The following FBXO25 variants were observed in gnomAD, a reference collection of about 807,000 sequenced individuals.
FBXO25 encodes the protein F-box protein 25.
Under a neutral mutation model 51.9 loss-of-function variants are expected in FBXO25, and 45 were observed. The ratio of observed to expected loss-of-function variants is 0.87; its 90% CI spans 0.68 to 1.11. The LOEUF (loss-of-function observed/expected upper bound fraction) is 1.11. FBXO25 is among the 50% of genes most tolerant of loss of function. FBXO25 has a pLI of 0.00. For missense variants in FBXO25, 507 were observed against 428.5 expected, an observed-to-expected ratio of 1.18 and a Z score of -1.62; for synonymous variants, 199 against 151.0, an observed-to-expected ratio of 1.32 and a Z score of -2.33.
At chr8:457,402 A>C (rs1351348241) in intron 7 of FBXO25, among the ~76,000 whole-genome samples, 1 of 152,230 alleles carries the variant, frequency 6.6e-6, no homozygotes, top group Non-Finnish European at 1.5e-5. Flanking sequence ...CTTGGGGCCA[A>C]GGACAGCCAC....
chr8:475,167 G>C lies in FBXO25; in HGVS notation c.*6363G>C, dbSNP rs1015959429. On this transcript the variant is annotated 3_prime_UTR_variant, in exon 10 of 10. Transcript: ENST00000350302. ...GAGGTAGATCTAGCTTCATGTGGAT[G>C]TCCACTTGTCTAGCACCATTTGTTG... 2 of 346,350 alleles carry C rather than the reference G, an allele frequency of 5.8e-6. No homozygotes were observed. The highest frequency in any genetic ancestry group is 4.3e-5 in the African/African-American group (2 of 46,246). The allele number at this position is 346,350 out of a possible 1,614,324, so 21.5% of individuals were successfully genotyped here.
At chr8:445,535 A>T (rs945382968) in intron 5 of FBXO25, among the ~76,000 whole-genome samples, 10 of 152,246 alleles carry the variant, frequency 6.6e-5, no homozygotes, top group African/African-American at 2.2e-4. Context: ...AAACACTTTT[A>T]AAAATATTTC....
rs949394274 is a variant in FBXO25, at chr8:474,929, C to A, written c.*6125C>A. 1 of 446,096 alleles carries A rather than the reference C, an allele frequency of 2.2e-6. No homozygotes were observed. Among genetic ancestry groups the A allele is most frequent in the Non-Finnish European group, 4.4e-6 (1 of 225,074 alleles). The allele number at this position is 446,096 out of a possible 1,614,324, so 27.6% of individuals were successfully genotyped here. On this transcript the variant is annotated 3_prime_UTR_variant, in exon 10 of 10. Transcript: ENST00000350302. ...ATATATCATTTTAAAATACTTTGTCCCATTCCGTGGATTGCCTTTCACTCT... is the reference window on the plus strand; with the variant it reads ...ATATATCATTTTAAAATACTTTGTCACATTCCGTGGATTGCCTTTCACTCT...
In FBXO25 at chr8:473,476, G is replaced by C. The variant is rs890801750; in HGVS notation, c.*4672G>C. The C allele has an allele frequency of 2.6e-5, 4 of 152,258 alleles. No homozygotes were observed. The highest frequency in any genetic ancestry group is 7.2e-5 in the African/African-American group (3 of 41,454). 9.4% of individuals were successfully genotyped at this position (152,258 alleles called of 1,614,324 possible). A position where few individuals can be genotyped will look rare whatever the true frequency, so the allele number is the denominator to read the frequency against. On this transcript the variant is annotated 3_prime_UTR_variant, in exon 10 of 10. Transcript: ENST00000350302. ...CCCCAGGGCACCTGCCCCAATACAG[G>C]CCACGTGGATCTGCCATTGCTTTTC...
chr8:454,264 G>A (rs562329339), intron 7 of FBXO25, among the ~76,000 whole-genome samples: 2 of 152,348 alleles, frequency 1.3e-5, no homozygotes, highest in African/African-American at 4.8e-5. Flanking sequence ...ATACTTTGCT[G>A]TTTAAGCTGC....
At chr8:439,028 G>T (rs141252219) in intron 5 of FBXO25, among the ~76,000 whole-genome samples, 1 of 152,208 alleles carries the variant, frequency 6.6e-6, no homozygotes. Flanking sequence ...CCCAACTGCA[G>T]TGAGGAGCTG....
intron 1 of FBXO25, among the ~76,000 whole-genome samples, chr8:412,326 A>C (rs12544169): frequency 0.36 from 54,885 of 151,858 alleles, 10,955 homozygotes; most frequent in African/African-American, 0.54. Flanking sequence ...ACGTTTCCAG[A>C]CAGTCTTCAA....
intron 7 of FBXO25, 48 bp downstream of exon 7, chr8:451,501 C>G (rs781391271): frequency 1.3e-6 from 2 of 1,529,212 alleles, no homozygotes; most frequent in Non-Finnish European, 8.9e-7. Context: ...TTTTATATTA[C>G]AGAAGTTATC....
Position 472,099 on chromosome 8 carries a change from A to G in FBXO25, c.*3295A>G, listed in dbSNP as rs1800503505. The G allele has an allele frequency of 6.6e-6, 1 of 152,180 alleles. No homozygotes were observed. Among genetic ancestry groups the G allele is most frequent in the East Asian group, 1.9e-4 (1 of 5,184 alleles). The allele number at this position is 152,180 out of a possible 1,614,324, so 9.4% of individuals were successfully genotyped here. A position where few individuals can be genotyped will look rare whatever the true frequency, so the allele number is the denominator to read the frequency against. On this transcript the variant is annotated 3_prime_UTR_variant, in exon 10 of 10. Transcript: ENST00000350302. ...CGTTTCGCTGGCTAGAATCTCTAGT[A>G]CAATGTTGAATAGCAGTGCGAGAGT...
At chr8:427,517 A>C (rs1329217878) in intron 2 of FBXO25, among the ~76,000 whole-genome samples, 1 of 151,428 alleles carries the variant, frequency 6.6e-6, no homozygotes, top group Non-Finnish European at 1.5e-5. Flanking sequence ...AAAGATAGAT[A>C]CTTTTATTCA....
intron 8 of FBXO25, among the ~76,000 whole-genome samples, chr8:461,633 C>T (rs965974498): frequency 2.6e-5 from 4 of 152,052 alleles, no homozygotes; most frequent in African/African-American, 9.7e-5. Flanking sequence ...AGCATCACCT[C>T]AGGAAAAACA....
chr8:448,490 T>G (rs1202052885), intron 5 of FBXO25, among the ~76,000 whole-genome samples: 3 of 152,236 alleles, frequency 2.0e-5, no homozygotes, highest in Non-Finnish European at 4.4e-5. Context: ...ATGAATTTTA[T>G]GTCCAGTCAA....
rs187425845 is a variant in FBXO25 at position 471,023 on chromosome 8, A to G, written c.*2219A>G. The G allele has an allele frequency of 3.3e-5, 5 of 152,332 alleles. No homozygotes were observed. The East Asian group carries it at 9.7e-4, about 29-fold the overall frequency. 9.4% of individuals were successfully genotyped at this position (152,332 alleles called of 1,614,324 possible). On this transcript the variant is annotated 3_prime_UTR_variant, in exon 10 of 10. Transcript: ENST00000350302. ...TCATTTAATTGTTAGATGTTATAACAGTTCTCAGCTGTGCTATCAAATCAC... is the reference window on the plus strand; with the variant it reads ...TCATTTAATTGTTAGATGTTATAACGGTTCTCAGCTGTGCTATCAAATCAC...
In FBXO25 at chr8:471,990, T is replaced by C. The variant is rs1273745573; in HGVS notation, c.*3186T>C. 1 of 152,284 alleles carries C rather than the reference T, an allele frequency of 6.6e-6. No individual in the cohort carries two copies. The highest frequency in any genetic ancestry group is 1.5e-5 in the Non-Finnish European group (1 of 68,050). The allele number at this position is 152,284 out of a possible 1,614,324, so 9.4% of individuals were successfully genotyped here. A position where few individuals can be genotyped will look rare whatever the true frequency, so the allele number is the denominator to read the frequency against. On this transcript the variant is annotated 3_prime_UTR_variant, in exon 10 of 10. Coordinates refer to ENST00000350302, the MANE Select transcript of FBXO25 (RefSeq NM_183420.2). ...TTTTAACACCTTTGTAGATTCCTGA[T>C]GCTGTGTACAAAATCATGTCATCTA...
chr8:446,548 T>A (rs1798751071), intron 5 of FBXO25, among the ~76,000 whole-genome samples: 1 of 151,972 alleles, frequency 6.6e-6, no homozygotes, highest in Admixed American at 6.6e-5. Context: ...ATAACCTCAG[T>A]TGGCCTGAAT....
At chr8:414,797 A>G (rs959888413) in intron 2 of FBXO25, among the ~76,000 whole-genome samples, 3 of 152,182 alleles carry the variant, frequency 2.0e-5, no homozygotes, top group Non-Finnish European at 4.4e-5. Context: ...TACCCTCTGT[A>G]GGGCACAGTG....
At position 406,976 on chromosome 8, in the gene FBXO25, G is replaced by C. The variant is rs1171525050; in HGVS notation, c.-98G>C. 2 of 152,358 alleles carry C rather than the reference G, an allele frequency of 1.3e-5. No homozygotes were observed. Among genetic ancestry groups the C allele is most frequent in the East Asian group, 1.9e-4 (1 of 5,148 alleles). 9.4% of individuals were successfully genotyped at this position (152,358 alleles called of 1,614,324 possible). ...TTCCGGCAATAACCGCCTGGTCGCC[G>C]TCAGGTGCGGGCCCAGGTGGCCGGC... is the stretch of plus-strand genomic sequence containing the variant. On this transcript the variant is annotated 5_prime_UTR_variant, in exon 1 of 10. Coordinates refer to ENST00000350302, the MANE Select transcript of FBXO25 (RefSeq NM_183420.2).
At chr8:409,749 T>G (rs920532331) in intron 1 of FBXO25, among the ~76,000 whole-genome samples, 1 of 134,782 alleles carries the variant, frequency 7.4e-6, no homozygotes, top group African/African-American at 2.7e-5. Context: ...GTTGTTTTTT[T>G]CTGTCTCCAT....
intron 2 of FBXO25, 27 bp downstream of exon 2, chr8:413,240 C>G: frequency 6.5e-7 from 1 of 1,533,790 alleles, no homozygotes; most frequent in Non-Finnish European, 8.7e-7. Context: ...CAGAACCATG[C>G]CATTTGCCAG....
Sources: gnomAD v4.1 joint callset for allele counts (sites outside exome capture counted in the v4.1 genomes callset) on GRCh38, gnomAD v4.1.1 for gene constraint, MANE v1.5 for transcripts, NCBI Gene and HGNC (gene_info 2026-07-23, HGNC 2026-07-21) for gene names.